Variants in RALGPS1 observed in about 807,000 individuals in gnomAD.
RALGPS1 encodes ras-specific guanine nucleotide-releasing factor RalGPS1.
Under a neutral mutation model 78.8 loss-of-function variants are expected in RALGPS1, and 19 were observed. The observed-to-expected ratio is 0.24, with a 90% CI of 0.17 to 0.35. RALGPS1 has a LOEUF of 0.35. Among genes scored for constraint, RALGPS1 ranks in the 10% least tolerant of loss-of-function variants. The pLI is 1.00. For synonymous variants in RALGPS1, 228 were observed against 256.3 expected (o/e 0.89, Z 1.06); for missense variants, 454 against 688.3 (o/e 0.66, Z 3.81).
At chr9:127,215,486 C>A (rs934207722) in intron 18 of RALGPS1, among the ~76,000 whole-genome samples, 14 of 152,352 alleles carry the variant, frequency 9.2e-5, no homozygotes, top group African/African-American at 3.4e-4. Flanking sequence ...GAGGTAGATT[C>A]TCTTACTGTC....
chr9:127,175,398 G>A (rs948588681), intron 11 of RALGPS1, among the ~76,000 whole-genome samples: 1 of 152,214 alleles, frequency 6.6e-6, no homozygotes, highest in African/African-American at 2.4e-5. Flanking sequence ...GTAAGCTCAT[G>A]CCTGCCTGTA....
In RALGPS1 at chr9:127,209,635, C is replaced by T. The variant is rs1322932284; in HGVS notation, c.1248-2496C>T. Among the ~76,000 whole-genome samples, 3 of 152,270 alleles carry T rather than the reference C, an allele frequency of 2.0e-5. No homozygotes were observed. The East Asian group carries it at 5.8e-4, about 29-fold the overall frequency. On this transcript the variant is annotated intron_variant, in intron 14 of 18. Coordinates refer to ENST00000259351, the MANE Select transcript of RALGPS1 (RefSeq NM_014636.3). ...GGGCAGGAGGCTCGGGGGCCTGGAG[C>T]AGCCGTCCCAGCTAACCATCAGACT... is the stretch of plus-strand genomic sequence containing the variant.
chr9:127,011,166 C>T (rs980712778), intron 4 of RALGPS1, among the ~76,000 whole-genome samples: 6 of 151,972 alleles, frequency 3.9e-5, no homozygotes, highest in African/African-American at 1.2e-4. Flanking sequence ...ACCGAGAGCC[C>T]ACCACCCCCC....
intron 4 of RALGPS1, among the ~76,000 whole-genome samples, chr9:127,001,389 ACTT>A (rs1427475143): frequency 1.3e-5 from 2 of 151,840 alleles, no homozygotes; most frequent in African/African-American, 4.8e-5. Flanking sequence ...TTCCACCTTA[ACTT>A]CTTTATTGGC....
Position 126,977,742 on chromosome 9 carries a change from G to C in RALGPS1, c.213G>C (p.Pro71=). The change falls in exon 4 of 19, where the codon CCG becomes CCC. Residue 71 remains proline (P), a synonymous_variant. Transcript: ENST00000259351. ...MDIPVFKAIQ[P]EELASCGWSK... ...TACCTGTGTTTAAAGCTATCCAGCC[G>C]GAGGTCTGTACTTTGTCTTTCTACT... The C allele has an allele frequency of 6.3e-7, 1 of 1,599,584 alleles. No homozygotes were observed. The highest frequency in any genetic ancestry group is 1.7e-5 in the Admixed American group (1 of 57,972).
chr9:127,184,330 A>G (rs950117782), intron 11 of RALGPS1: 1 of 349,544 alleles, frequency 2.9e-6, no homozygotes, highest in African/African-American at 2.1e-5. Flanking sequence ...AGGAAAAAAA[A>G]AAAAAAGGAA....
At position 127,177,814 on chromosome 9, in the gene RALGPS1, G is replaced by T. The variant is rs2059967399; in HGVS notation, c.910+3032G>T. 3 of 1,542,954 alleles carry T rather than the reference G, an allele frequency of 1.9e-6. No homozygotes were observed. In the African/African-American group the frequency reaches 4.1e-5, roughly 21 times the overall value. ...CTGGAAGTCAGCTGGGCAGCTAGGAGCCAGCCCTGGCCCAGCCTCCTCAGG... is the reference window on the plus strand; with the variant it reads ...CTGGAAGTCAGCTGGGCAGCTAGGATCCAGCCCTGGCCCAGCCTCCTCAGG... On this transcript the variant is annotated intron_variant, in intron 11 of 18. Transcript: ENST00000259351.
chr9:126,932,280 A>G (rs186017594), intron 1 of RALGPS1, among the ~76,000 whole-genome samples: 85 of 152,330 alleles, frequency 5.6e-4, no homozygotes, highest in African/African-American at 2.0e-3. Flanking sequence ...CAGCTTTCAT[A>G]CTGCTGGTGG....
chr9:127,153,886 G>A (rs1411264809), intron 8 of RALGPS1, among the ~76,000 whole-genome samples: 1 of 152,212 alleles, frequency 6.6e-6, no homozygotes, highest in Non-Finnish European at 1.5e-5. Context: ...AGAAGGATGG[G>A]TCTCAAGGAG....
intron 4 of RALGPS1, among the ~76,000 whole-genome samples, chr9:127,025,783 C>T (rs1203273528): frequency 6.6e-6 from 1 of 152,068 alleles, no homozygotes; most frequent in African/African-American, 2.4e-5. Flanking sequence ...CCTTGAACTC[C>T]TGGGCTCAAG....
chr9:127,220,444 T>C lies in RALGPS1; in HGVS notation c.*1675T>C, dbSNP rs1201463302. 1 of 152,248 alleles carries C rather than the reference T, an allele frequency of 6.6e-6. No individual in the cohort carries two copies. The highest frequency in any genetic ancestry group is 1.9e-4 in the East Asian group (1 of 5,208). The allele number at this position is 152,248 out of a possible 1,614,324, so 9.4% of individuals were successfully genotyped here. A position where few individuals can be genotyped will look rare whatever the true frequency, so the allele number is the denominator to read the frequency against. On this transcript the variant is annotated 3_prime_UTR_variant, in exon 19 of 19. Transcript: ENST00000259351. ...CAGGGCCTCATTTTGTAGTTGAGCC[T>C]TACAATGCTTAGTAGTTCATCTTCT...
chr9:127,173,890 G>A (rs1179210699), intron 10 of RALGPS1, among the ~76,000 whole-genome samples: 1 of 152,142 alleles, frequency 6.6e-6, no homozygotes, highest in Non-Finnish European at 1.5e-5. Context: ...GCACACGCCT[G>A]TAATCCCACC....
chr9:127,093,875 G>T (rs1564564912), intron 8 of RALGPS1: 1 of 1,614,084 alleles, frequency 6.2e-7, no homozygotes, highest in South Asian at 1.1e-5. Context: ...CAGGTAGATG[G>T]AGCTGGTGTC....
intron 4 of RALGPS1, among the ~76,000 whole-genome samples, chr9:126,990,731 G>A (rs55646869): frequency 0.32 from 49,234 of 152,060 alleles, 9,851 homozygotes; most frequent in Non-Finnish European, 0.42. Flanking sequence ...TTGCACCCTC[G>A]TACTGAAATA....
At chr9:127,196,978 G>T (rs1205431563) in intron 13 of RALGPS1, among the ~76,000 whole-genome samples, 4 of 152,162 alleles carry the variant, frequency 2.6e-5, no homozygotes, top group African/African-American at 9.7e-5. Flanking sequence ...TTCTGTCCCT[G>T]GGGGATCATG....
chr9:127,203,146 A>G (rs2061734948), intron 14 of RALGPS1, among the ~76,000 whole-genome samples: 1 of 152,246 alleles, frequency 6.6e-6, no homozygotes, highest in Non-Finnish European at 1.5e-5. Flanking sequence ...GTGTTTTTAA[A>G]AAGATGAACA....
chr9:126,961,314 G>C lies in RALGPS1; in HGVS notation c.-65-911G>C, dbSNP rs117839055. ...GAGATATCTGCCTCCCTGTGCCTCA[G>C]TTTCCCCACATGCAATAGGGTGTAA... On this transcript the variant is annotated intron_variant, in intron 1 of 18. Transcript: ENST00000259351. Among the ~76,000 whole-genome samples the C allele has an allele frequency of 5.6e-3, 858 of 152,306 alleles. 28 individuals are homozygous for C. In the East Asian group the frequency reaches 0.081, roughly 14 times the overall value.
chr9:127,150,954 C>T (rs1248458824), intron 8 of RALGPS1, among the ~76,000 whole-genome samples: 4 of 152,022 alleles, frequency 2.6e-5, no homozygotes, highest in East Asian at 3.9e-4. Flanking sequence ...GAGACCGAGG[C>T]GGGCGGATCA....
At chr9:127,089,811 C>T (rs1292089970) in intron 8 of RALGPS1, among the ~76,000 whole-genome samples, 1 of 152,218 alleles carries the variant, frequency 6.6e-6, no homozygotes, top group East Asian at 1.9e-4. Flanking sequence ...AAGGTGTGCG[C>T]GGGCATGCAG....
Sources: gnomAD v4.1 joint callset for allele counts (sites outside exome capture counted in the v4.1 genomes callset) on GRCh38, gnomAD v4.1.1 for gene constraint, MANE v1.5 for transcripts, NCBI Gene and HGNC (gene_info 2026-07-23, HGNC 2026-07-21) for gene names.